The following ZC3H8 variants were observed in gnomAD, a reference collection of about 807,000 sequenced individuals.
The protein encoded by ZC3H8 is zinc finger CCCH-type containing 8, also known as zinc finger CCCH domain-containing protein 8.
In ZC3H8, 27 loss-of-function variants were observed where a neutral mutation model predicts 42.5. That is an observed-to-expected ratio of 0.64 (90% CI 0.47 to 0.88). The LOEUF is 0.88. Among genes scored for constraint, ZC3H8 ranks in the 40% least tolerant of loss-of-function variants. ZC3H8 has a pLI of 0.00. For synonymous variants in ZC3H8, 101 were observed against 110.1 expected (o/e 0.92, Z 0.52); for missense variants, 277 against 336.1 (o/e 0.82, Z 1.37).
intron 4 of ZC3H8, 85 bp downstream of exon 4, chr2:112,236,477 C>T: frequency 6.5e-7 from 1 of 1,547,734 alleles, no homozygotes; most frequent in Non-Finnish European, 8.7e-7. Context: ...CTCCATATCA[C>T]ATAGCACTTC....
chr2:112,249,465 T>A (rs1444161610), intron 2 of ZC3H8, among the ~76,000 whole-genome samples: 2 of 152,080 alleles, frequency 1.3e-5, no homozygotes, highest in Admixed American at 6.6e-5. Flanking sequence ...TTGTTTTGAT[T>A]CGGAGTCTCG....
rs1573927078 is a variant in ZC3H8, at chr2:112,249,080, C to T, written c.156+1111G>A. 2.0e-5 allele frequency among the ~76,000 whole-genome samples: 3 copies of T among 152,232 alleles called. No individual in the cohort carries two copies. In the South Asian group the frequency reaches 6.2e-4, roughly 32 times the overall value. On this transcript the variant is annotated intron_variant, in intron 2 of 8. Coordinates refer to ENST00000409573, the MANE Select transcript of ZC3H8 (RefSeq NM_032494.3). ...AATTAGCTGGGCGTGGTGGTGCACA[C>T]CTGTAATCCCAGCTACTTGGGAGGC...
intron 2 of ZC3H8, among the ~76,000 whole-genome samples, chr2:112,240,129 T>C (rs562967052): frequency 1.2e-4 from 19 of 152,186 alleles, no homozygotes; most frequent in Non-Finnish European, 2.2e-4. Flanking sequence ...CTTTTCCCCA[T>C]TAACACCATA....
At chr2:112,248,175 A>T (rs1334612126) in intron 2 of ZC3H8, among the ~76,000 whole-genome samples, 1 of 151,994 alleles carries the variant, frequency 6.6e-6, no homozygotes, top group Non-Finnish European at 1.5e-5. Context: ...AAAATACAAC[A>T]ATTAGCCAGG....
At chr2:112,252,664 C>A (rs1405570657) in intron 1 of ZC3H8, among the ~76,000 whole-genome samples, 1 of 152,134 alleles carries the variant, frequency 6.6e-6, no homozygotes, top group East Asian at 1.9e-4. Flanking sequence ...TCCACCCCAG[C>A]TGTCCTGGCC....
Position 112,213,694 on chromosome 2 carries a change from T to C in ZC3H8, c.*2790A>G, listed in dbSNP as rs746187162. ...GGGAGGCTGAGGCAGGAGAATCACTTGAACCCGGGAGGCAGAGCTTGCAGT... is the reference window on the plus strand; with the variant it reads ...GGGAGGCTGAGGCAGGAGAATCACTCGAACCCGGGAGGCAGAGCTTGCAGT... On this transcript the variant is annotated 3_prime_UTR_variant, in exon 9 of 9. Coordinates refer to ENST00000409573, the MANE Select transcript of ZC3H8 (RefSeq NM_032494.3). 3 of 132,156 alleles carry C rather than the reference T, an allele frequency of 2.3e-5. No homozygotes were observed. Among genetic ancestry groups the C allele is most frequent in the Non-Finnish European group, 4.6e-5 (3 of 64,758 alleles). 8.2% of individuals were successfully genotyped at this position (132,156 alleles called of 1,614,324 possible).
chr2:112,249,925 CAAA>C (rs1194418790), intron 2 of ZC3H8, among the ~76,000 whole-genome samples: 1 of 151,862 alleles, frequency 6.6e-6, no homozygotes, highest in East Asian at 1.9e-4. Context: ...TCAGAAATAA[CAAA>C]AATAGAAATA....
intron 2 of ZC3H8, among the ~76,000 whole-genome samples, chr2:112,247,967 G>A (rs1434338027): frequency 2.0e-5 from 3 of 152,248 alleles, no homozygotes; most frequent in African/African-American, 7.2e-5. Context: ...TACTTGGGTA[G>A]CTGAGAGGCT....
intron 8 of ZC3H8, among the ~76,000 whole-genome samples, chr2:112,224,568 G>A (rs1217387908): frequency 1.3e-5 from 2 of 152,154 alleles, no homozygotes; most frequent in Non-Finnish European, 1.5e-5. Context: ...GTTCGCTGAA[G>A]CTTTATTTAT....
chr2:112,252,978 C>T (rs1442423655), intron 1 of ZC3H8, among the ~76,000 whole-genome samples: 6 of 152,064 alleles, frequency 3.9e-5, no homozygotes, highest in African/African-American at 1.4e-4. Context: ...CCCGTCTCTA[C>T]TAAAAATACG....
chr2:112,253,037 G>C (rs1387075820), intron 1 of ZC3H8, among the ~76,000 whole-genome samples: 2 of 152,056 alleles, frequency 1.3e-5, no homozygotes, highest in Non-Finnish European at 2.9e-5. Flanking sequence ...GGGAGGCTGA[G>C]GCAGGAGAAT....
At chr2:112,235,827 G>C (rs578100567) in intron 4 of ZC3H8, among the ~76,000 whole-genome samples, 1 of 151,742 alleles carries the variant, frequency 6.6e-6, no homozygotes, top group African/African-American at 2.4e-5. Flanking sequence ...CAGGATGAGG[G>C]ACTTTAGTAG....
Position 112,248,357 on chromosome 2 carries a change from G to A in ZC3H8, c.156+1834C>T, listed in dbSNP as rs796900858. On this transcript the variant is annotated intron_variant, in intron 2 of 8. Coordinates refer to ENST00000409573, the MANE Select transcript of ZC3H8 (RefSeq NM_032494.3). ...GAAAGAAAAGAAAGAAAAAGAAAAAGAAAAGGAAAAAAAGAAAGAAAGAAA... is the reference window on the plus strand; with the variant it reads ...GAAAGAAAAGAAAGAAAAAGAAAAAAAAAAGGAAAAAAAGAAAGAAAGAAA... Among the ~76,000 whole-genome samples the A allele has an allele frequency of 1.5e-4, 22 of 151,304 alleles. 1 individual carries two copies. Among genetic ancestry groups the A allele is most frequent in the African/African-American group, 4.4e-4 (18 of 41,216 alleles).
At chr2:112,239,181 G>A (rs1685477487) in intron 2 of ZC3H8, among the ~76,000 whole-genome samples, 1 of 152,194 alleles carries the variant, frequency 6.6e-6, no homozygotes, top group African/African-American at 2.4e-5. Flanking sequence ...ACCCAGGCAT[G>A]GGAGCTAATC....
At chr2:112,233,607 G>A (rs1438732744) in intron 5 of ZC3H8, among the ~76,000 whole-genome samples, 3 of 152,122 alleles carry the variant, frequency 2.0e-5, no homozygotes, top group Non-Finnish European at 4.4e-5. Flanking sequence ...AGTCGCTCAC[G>A]CCTGTAATCC....
At chr2:112,231,741 A>T in intron 7 of ZC3H8, 97 bp downstream of exon 7, 1 of 620,332 alleles carries the variant, frequency 1.6e-6, no homozygotes. Context: ...TGCTAACCTA[A>T]GAGGCACTCT....
intron 8 of ZC3H8, among the ~76,000 whole-genome samples, chr2:112,217,765 G>C (rs950277264): frequency 6.6e-6 from 1 of 152,086 alleles, no homozygotes; most frequent in African/African-American, 2.4e-5. Context: ...TTTTATCATT[G>C]ATGACAAATA....
Position 112,254,909 on chromosome 2 carries a change from T to C in ZC3H8, c.73A>G (p.Arg25Gly). 6.2e-7 allele frequency: 1 copy of C among 1,613,376 alleles called. No homozygotes were observed. Among genetic ancestry groups the C allele is most frequent in the Non-Finnish European group, 8.5e-7 (1 of 1,179,606 alleles). Residue 25 changes from arginine (R) to glycine (G), a missense_variant and splice_region_variant, in exon 1 of 9, where the codon AGA (arginine) becomes GGA (glycine). Arg to Gly is a moderately radical substitution (Grantham distance 125). Transcript: ENST00000409573. ...LGKTATDSDE[R>G]IDDEIDTEVE... ...AAAGATGAAAAGATATGGGATCACCTTTCGTCAGAGTCCGTGGCCGTTTTG... is the reference window on the plus strand; with the variant it reads ...AAAGATGAAAAGATATGGGATCACCCTTCGTCAGAGTCCGTGGCCGTTTTG...
At chr2:112,240,952 AGTGTGTGTGTGTGTGTGTGTGTGT>A (rs67273091) in intron 2 of ZC3H8, among the ~76,000 whole-genome samples, 6 of 142,604 alleles carry the variant, frequency 4.2e-5, no homozygotes, top group Non-Finnish European at 9.1e-5. Flanking sequence ...TACAGGTAAC[AGTGTGTGTGTGTGTGTGTGTGTGT>A]GTGTGTGTGC....
Sources: gnomAD v4.1 joint callset for allele counts (sites outside exome capture counted in the v4.1 genomes callset) on GRCh38, gnomAD v4.1.1 for gene constraint, MANE v1.5 for transcripts, NCBI Gene and HGNC (gene_info 2026-07-23, HGNC 2026-07-21) for gene names.